Variants in NNT observed in about 807,000 individuals in gnomAD.
NNT encodes nicotinamide nucleotide transhydrogenase.
A neutral mutation model predicts 104.8 loss-of-function variants in NNT; 50 were observed. That is an observed-to-expected ratio of 0.48 (90% CI 0.38 to 0.60). NNT has a LOEUF of 0.60. NNT is among the 20% of genes least tolerant of loss of function. The pLI is 0.00. For missense variants in NNT, 1,131 were observed against 1,330.7 expected, an observed-to-expected ratio of 0.85 and a Z score of 2.33; for synonymous variants, 461 against 490.4, an observed-to-expected ratio of 0.94 and a Z score of 0.79.
At chr5:43,644,386 G>GT (rs3835067) in intron 8 of NNT, 61 bp downstream of exon 8, 61,040 of 1,554,726 alleles carry the variant, frequency 0.039, 1,580 homozygotes, top group East Asian at 0.11. Flanking sequence ...ATGGGGGGGT[G>GT]TTTATTTCTT....
intron 5 of NNT, among the ~76,000 whole-genome samples, chr5:43,622,751 C>T (rs996388082): frequency 6.6e-6 from 1 of 152,188 alleles, no homozygotes; most frequent in Non-Finnish European, 1.5e-5. Flanking sequence ...TTGACCTAAG[C>T]TCTCTGACTC....
intron 16 of NNT, among the ~76,000 whole-genome samples, chr5:43,657,335 T>C (rs62367633): frequency 0.034 from 5,135 of 152,312 alleles, 132 homozygotes; most frequent in East Asian, 0.12. Context: ...GCTTTCTTCT[T>C]TCTCTGCAAT....
intron 6 of NNT, among the ~76,000 whole-genome samples, chr5:43,626,368 G>C (rs139895106): frequency 6.6e-6 from 1 of 152,038 alleles, no homozygotes; most frequent in African/African-American, 2.4e-5. Flanking sequence ...TTGATCATCC[G>C]TGGATTTTGA....
chr5:43,655,806 C>A, intron 14 of NNT, 34 bp from the exon 15 acceptor site: 2 of 1,522,438 alleles, frequency 1.3e-6, no homozygotes, highest in South Asian at 1.1e-5. Flanking sequence ...AAAAGTTTGT[C>A]AAGTTTTAAT....
At chr5:43,699,504 C>T (rs1742740021) in intron 19 of NNT, among the ~76,000 whole-genome samples, 2 of 152,008 alleles carry the variant, frequency 1.3e-5, no homozygotes, top group African/African-American at 4.8e-5. Flanking sequence ...CAGGTGCCCA[C>T]CATCATGCCC....
At chr5:43,666,954 G>C (rs183505438) in intron 17 of NNT, 21 of 1,589,390 alleles carry the variant, frequency 1.3e-5, no homozygotes, top group East Asian at 8.9e-5. Context: ...CAAGTGGATC[G>C]AGCTTGCGGC....
At chr5:43,659,793 T>C (rs1279069522) in intron 17 of NNT, among the ~76,000 whole-genome samples, 1 of 152,190 alleles carries the variant, frequency 6.6e-6, no homozygotes, top group Non-Finnish European at 1.5e-5. Flanking sequence ...GTATTTCATT[T>C]GCATAAATTT....
intron 17 of NNT, among the ~76,000 whole-genome samples, chr5:43,669,341 G>C (rs1249696555): frequency 6.6e-6 from 1 of 152,074 alleles, no homozygotes; most frequent in Non-Finnish European, 1.5e-5. Flanking sequence ...GTGAGAGAGG[G>C]CATCCCTGTC....
chr5:43,628,935 GTT>G (rs11436190), intron 7 of NNT, among the ~76,000 whole-genome samples: 5 of 140,296 alleles, frequency 3.6e-5, no homozygotes, highest in African/African-American at 8.1e-5. Context: ...TGTGTACAAT[GTT>G]TTTTTTTTTT....
intron 19 of NNT, among the ~76,000 whole-genome samples, chr5:43,698,265 C>A (rs1742664720): frequency 6.6e-6 from 1 of 151,452 alleles, no homozygotes; most frequent in African/African-American, 2.4e-5. Flanking sequence ...CATTTTGTTA[C>A]CACTTTGATG....
intron 19 of NNT, among the ~76,000 whole-genome samples, chr5:43,686,700 T>C (rs1742008913): frequency 6.6e-6 from 1 of 152,148 alleles, no homozygotes; most frequent in African/African-American, 2.4e-5. Context: ...TATATTATTA[T>C]ACAAAAATGT....
At chr5:43,666,400 G>A (rs948198989) in intron 17 of NNT, among the ~76,000 whole-genome samples, 2 of 152,162 alleles carry the variant, frequency 1.3e-5, no homozygotes, top group Non-Finnish European at 2.9e-5. Context: ...AGACCAGCCC[G>A]GCCAACACGG....
At chr5:43,690,858 G>C (rs957565366) in intron 19 of NNT, among the ~76,000 whole-genome samples, 1 of 152,132 alleles carries the variant, frequency 6.6e-6, no homozygotes, top group Non-Finnish European at 1.5e-5. Context: ...CCACAAAAAA[G>C]AAGACTGAAA....
intron 1 of NNT, among the ~76,000 whole-genome samples, chr5:43,606,573 AT>A (rs1308598017): frequency 6.6e-6 from 1 of 152,204 alleles, no homozygotes; most frequent in African/African-American, 2.4e-5. Context: ...GCAAATAATT[AT>A]TCATACATAT....
chr5:43,630,883 C>G (rs947368610), intron 7 of NNT, among the ~76,000 whole-genome samples: 1 of 152,124 alleles, frequency 6.6e-6, no homozygotes, highest in Non-Finnish European at 1.5e-5. Flanking sequence ...AGTGAAGGAG[C>G]CTCACTTTCT....
At chr5:43,622,545 GGCCTGAGCCACCT>G (rs1227466215) in intron 5 of NNT, among the ~76,000 whole-genome samples, 5 of 152,210 alleles carry the variant, frequency 3.3e-5, no homozygotes, top group African/African-American at 1.2e-4. Context: ...TGGGATCACA[GGCCTGAGCCACCT>G]GCCTGGCCCC....
chr5:43,672,361 C>T (rs982305529), intron 17 of NNT, among the ~76,000 whole-genome samples: 3 of 152,198 alleles, frequency 2.0e-5, no homozygotes, highest in African/African-American at 7.2e-5. Context: ...GAGAGGCGCT[C>T]TGATTTTTAG....
chr5:43,656,265 C>T (rs1740039862), intron 15 of NNT, among the ~76,000 whole-genome samples, 192 bp downstream of exon 15: 1 of 151,942 alleles, frequency 6.6e-6, no homozygotes, highest in Non-Finnish European at 1.5e-5. Context: ...CATAGCGAGA[C>T]CCTATCTCTA....
At position 43,609,313 on chromosome 5, in the gene NNT, C is replaced by T. The variant is rs902366799; in HGVS notation, c.118C>T (p.Gln40Ter). 6.2e-7 allele frequency: 1 copy of T among 1,613,918 alleles called. No individual in the cohort carries two copies. The highest frequency in any genetic ancestry group is 1.3e-5 in the African/African-American group (1 of 74,974). ...KDFLRTFYTH[Q>*]ELWCKAPVKP... ...TTTTTTACGAACATTTTATACTCAC[C>T]AAGAACTGTGGTGTAAAGCGCCTGT... Residue 40 changes from glutamine to a stop codon, truncating the protein, a stop_gained, in exon 2 of 22, where the codon CAA (glutamine) becomes TAA (stop). Transcript: ENST00000344920. LOFTEE classifies it high-confidence loss of function.
Sources: allele counts gnomAD v4.1 joint callset (sites outside exome capture counted in the v4.1 genomes callset), GRCh38; gene constraint gnomAD v4.1.1; transcripts MANE v1.5; gene names NCBI Gene and HGNC (gene_info 2026-07-23, HGNC 2026-07-21).